Variants in ADAMTSL1 observed in about 807,000 individuals in gnomAD.
ADAMTSL1 encodes the protein ADAMTS like 1.
ADAMTSL1 carries 126 observed loss-of-function variants against 201.8 expected under a neutral mutation model. That is an observed-to-expected ratio of 0.62 (90% CI 0.54 to 0.72). The LOEUF is 0.72. Ranked by LOEUF, ADAMTSL1 falls within the 30% of genes least tolerant of loss-of-function variation. The probability of loss-of-function intolerance (pLI) is 0.00; values close to 1 mark genes in which losing one functional copy is unlikely to be tolerated. For missense variants in ADAMTSL1, 2,679 were observed against 2,277.8 expected (o/e 1.18, Z -3.59); for synonymous variants, 1,121 against 903.4 (o/e 1.24, Z -4.32).
intron 23 of ADAMTSL1, among the ~76,000 whole-genome samples, chr9:18,885,623 T>A (rs896113846): frequency 1.3e-5 from 2 of 152,160 alleles, no homozygotes; most frequent in African/African-American, 2.4e-5. Context: ...GAGTGAAGAA[T>A]TGGATCATAT....
At chr9:18,570,551 G>A (rs529583567) in intron 3 of ADAMTSL1, among the ~76,000 whole-genome samples, 1 of 151,936 alleles carries the variant, frequency 6.6e-6, no homozygotes, top group South Asian at 2.1e-4. Context: ...TGATTCATAT[G>A]TTTCTGATTC....
At chr9:18,505,043 A>G in intron 2 of ADAMTSL1, 87 bp downstream of exon 2, 1 of 1,469,780 alleles carries the variant, frequency 6.8e-7, no homozygotes, top group Non-Finnish European at 9.1e-7. Flanking sequence ...TATGGAGAAC[A>G]TTTTGTGGCT....
intron 2 of ADAMTSL1, among the ~76,000 whole-genome samples, chr9:18,414,400 A>T (rs898889736): frequency 6.6e-6 from 1 of 152,246 alleles, no homozygotes; most frequent in Non-Finnish European, 1.5e-5. Flanking sequence ...AACAGCTTCT[A>T]TTAAGCATTT....
intron 2 of ADAMTSL1, among the ~76,000 whole-genome samples, chr9:18,379,527 A>G (rs1211166161): frequency 6.6e-6 from 1 of 152,180 alleles, no homozygotes; most frequent in Non-Finnish European, 1.5e-5. Context: ...TACAAATGAT[A>G]GACAATTAGA....
chr9:18,185,266 C>T (rs1828684587), intron 2 of ADAMTSL1, among the ~76,000 whole-genome samples: 1 of 152,234 alleles, frequency 6.6e-6, no homozygotes, highest in Admixed American at 6.5e-5. Flanking sequence ...AGAAGATTTG[C>T]TTGAGAGTCT....
chr9:18,087,391 G>A (rs1203881653), intron 1 of ADAMTSL1, among the ~76,000 whole-genome samples: 3 of 152,052 alleles, frequency 2.0e-5, no homozygotes, highest in Admixed American at 6.5e-5. Flanking sequence ...AAACATCCAC[G>A]TATTTAACTA....
chr9:18,048,300 G>A (rs762030778), intron 1 of ADAMTSL1, among the ~76,000 whole-genome samples: 6 of 152,020 alleles, frequency 3.9e-5, no homozygotes, highest in African/African-American at 4.8e-5. Flanking sequence ...TATGAAATGC[G>A]TGAATTATAT....
At chr9:18,024,220 T>G (rs1820597970) in intron 1 of ADAMTSL1, among the ~76,000 whole-genome samples, 1 of 152,184 alleles carries the variant, frequency 6.6e-6, no homozygotes, top group South Asian at 2.1e-4. Context: ...TTTGTTTATA[T>G]TAACATAAAA....
chr9:18,079,959 G>A (rs562365816), intron 1 of ADAMTSL1, among the ~76,000 whole-genome samples: 1 of 152,144 alleles, frequency 6.6e-6, no homozygotes, highest in African/African-American at 2.4e-5. Context: ...GCCACATGCT[G>A]TTGAAGAATT....
intron 1 of ADAMTSL1, among the ~76,000 whole-genome samples, chr9:18,103,715 T>C (rs778950720): frequency 1.3e-5 from 2 of 152,312 alleles, no homozygotes; most frequent in African/African-American, 4.8e-5. Flanking sequence ...ATGAGGAATT[T>C]TTTTGAAGTG....
chr9:18,129,026 C>A (rs1825848074), intron 1 of ADAMTSL1, among the ~76,000 whole-genome samples: 1 of 152,176 alleles, frequency 6.6e-6, no homozygotes, highest in Non-Finnish European at 1.5e-5. Flanking sequence ...GTCTCCCCCA[C>A]TTTTCCAAAC....
At chr9:18,447,898 T>C in intron 2 of ADAMTSL1, among the ~76,000 whole-genome samples, 1 of 152,166 alleles carries the variant, frequency 6.6e-6, no homozygotes, top group East Asian at 1.9e-4. Context: ...GCACACATGG[T>C]TGTGCATTTG....
At chr9:18,397,522 T>C (rs1040680994) in intron 2 of ADAMTSL1, among the ~76,000 whole-genome samples, 6 of 152,030 alleles carry the variant, frequency 3.9e-5, no homozygotes, top group Admixed American at 6.6e-5. Flanking sequence ...AAAACCACCG[T>C]GTGAAAAGAG....
At chr9:18,677,982 C>T (rs988713656) in intron 10 of ADAMTSL1, among the ~76,000 whole-genome samples, 7 of 151,996 alleles carry the variant, frequency 4.6e-5, no homozygotes, top group Non-Finnish European at 7.4e-5. Context: ...CTGATCAAGG[C>T]CATTTAAATT....
chr9:18,698,117 A>T (rs748225521), intron 13 of ADAMTSL1, among the ~76,000 whole-genome samples: 3 of 152,196 alleles, frequency 2.0e-5, no homozygotes, highest in African/African-American at 7.2e-5. Flanking sequence ...TAAGTTTTTG[A>T]TAAATACATT....
intron 5 of ADAMTSL1, among the ~76,000 whole-genome samples, chr9:18,635,199 T>C (rs1827037460): frequency 1.3e-5 from 2 of 151,762 alleles, no homozygotes; most frequent in Admixed American, 1.3e-4. Flanking sequence ...ACAAATGGAG[T>C]TCTGAATAAG....
intron 2 of ADAMTSL1, among the ~76,000 whole-genome samples, chr9:18,247,856 C>T (rs1204248499): frequency 6.6e-6 from 1 of 151,706 alleles, no homozygotes; most frequent in African/African-American, 2.4e-5. Context: ...TTCTAGGAGG[C>T]CTTGCATGCC....
chr9:18,544,758 G>A (rs1001464958), intron 3 of ADAMTSL1, among the ~76,000 whole-genome samples: 5 of 152,158 alleles, frequency 3.3e-5, no homozygotes, highest in Admixed American at 6.5e-5. Context: ...TGGCCAACCC[G>A]TAATTTCCCT....
chr9:18,075,589 C>T (rs1431416021), intron 1 of ADAMTSL1, among the ~76,000 whole-genome samples: 1 of 152,172 alleles, frequency 6.6e-6, no homozygotes, highest in Non-Finnish European at 1.5e-5. Context: ...TTGGCATATA[C>T]CCTAGCTGAC....
Sources: allele counts gnomAD v4.1 joint callset (sites outside exome capture counted in the v4.1 genomes callset), GRCh38; gene constraint gnomAD v4.1.1; transcripts MANE v1.5; gene names NCBI Gene and HGNC (gene_info 2026-07-23, HGNC 2026-07-21).